Variants in B3GALT5 observed in about 807,000 individuals in gnomAD.
The protein encoded by B3GALT5 is beta-1,3-galactosyltransferase 5, also known as UDP-Gal:betaGlcNAc beta 1,3-galactosyltransferase, polypeptide 5.
For missense variants in B3GALT5, 328 were observed against 396.6 expected (o/e 0.83, Z 1.47); for synonymous variants, 156 against 158.6 (o/e 0.98, Z 0.12).
chr21:39,618,853 T>C (rs1216820987), intron 1 of B3GALT5, among the ~76,000 whole-genome samples: 1 of 152,234 alleles, frequency 6.6e-6, no homozygotes, highest in Non-Finnish European at 1.5e-5. Flanking sequence ...TATGAAATTC[T>C]TCCCCACTCT....
At chr21:39,623,241 CCCTTCCTT>C (rs1182848314) in intron 1 of B3GALT5, among the ~76,000 whole-genome samples, 40 of 17,908 alleles carry the variant, frequency 2.2e-3, no homozygotes, top group South Asian at 6.8e-3. Context: ...CTCCCTCCCT[CCCTTCCTT>C]CCTTCCTTCC....
At chr21:39,632,598 A>G (rs1019587794) in intron 1 of B3GALT5, among the ~76,000 whole-genome samples, 7 of 152,244 alleles carry the variant, frequency 4.6e-5, no homozygotes, top group African/African-American at 1.7e-4. Flanking sequence ...CCCCATTTTA[A>G]CAGAAAAATC....
chr21:39,668,165 C>T lies in B3GALT5; in HGVS notation c.*6673C>T, dbSNP rs2146232342. 6.6e-6 allele frequency: 1 copy of T among 152,366 alleles called. No individual in the cohort carries two copies. The highest frequency in any genetic ancestry group is 1.5e-5 in the Non-Finnish European group (1 of 68,088). 9.4% of individuals were successfully genotyped at this position (152,366 alleles called of 1,614,324 possible). A position where few individuals can be genotyped will look rare whatever the true frequency, so the allele number is the denominator to read the frequency against. On this transcript the variant is annotated 3_prime_UTR_variant, in exon 4 of 4. Coordinates refer to ENST00000684187, the MANE Select transcript of B3GALT5 (RefSeq NM_001356336.2). Reference sequence around the variant, plus strand: ...TAAATAGATCCAGAGACCAAGGCTCCATGTTATCCCCAGCACCGGGCTGAC... The same window carrying T: ...TAAATAGATCCAGAGACCAAGGCTCTATGTTATCCCCAGCACCGGGCTGAC...
Position 39,665,863 on chromosome 21 carries a change from G to A in B3GALT5, c.*4371G>A, listed in dbSNP as rs895390524. ...AACATATCTATATTTTATGGTTTAT[G>A]TTTCACGCAACTTGAATGTAACCTT... On this transcript the variant is annotated 3_prime_UTR_variant, in exon 4 of 4. Coordinates refer to ENST00000684187, the MANE Select transcript of B3GALT5 (RefSeq NM_001356336.2). 6.6e-6 allele frequency: 1 copy of A among 152,154 alleles called. No individual in the cohort carries two copies. The highest frequency in any genetic ancestry group is 2.4e-5 in the African/African-American group (1 of 41,422). 9.4% of individuals were successfully genotyped at this position (152,154 alleles called of 1,614,324 possible).
At position 39,617,975 on chromosome 21, in the gene B3GALT5, GA is replaced by G. The variant is rs577049143; in HGVS notation, c.-392+4915del. ...CAACATAGCGAATCCTCATCTCTAT[GA>G]AAAAAATAAATAAATAAAAAATAAA... On this transcript the variant is annotated intron_variant, in intron 1 of 3. Transcript: ENST00000684187. Among the ~76,000 whole-genome samples, 468 of 149,766 alleles carry G rather than the reference GA, an allele frequency of 3.1e-3. 4 individuals carry two copies. The highest frequency in any genetic ancestry group is 5.3e-3 in the Non-Finnish European group (356 of 67,624).
At chr21:39,623,220 TCCC>T (rs758924291) in intron 1 of B3GALT5, among the ~76,000 whole-genome samples, 6,099 of 44,980 alleles carry the variant, frequency 0.14, 391 homozygotes, top group South Asian at 0.19. Flanking sequence ...CCTCCCTCCC[TCCC>T]TCCCTCCCTC....
In B3GALT5 at chr21:39,661,858, G is replaced by A. The variant is rs4816637; in HGVS notation, c.*366G>A. The A allele has an allele frequency of 7.2e-3, 1,340 of 185,296 alleles. 34 individuals are homozygous for A. The highest frequency in any genetic ancestry group is 0.067 in the East Asian group (400 of 6,004). 11.5% of individuals were successfully genotyped at this position (185,296 alleles called of 1,614,324 possible). A position where few individuals can be genotyped will look rare whatever the true frequency, so the allele number is the denominator to read the frequency against. On this transcript the variant is annotated 3_prime_UTR_variant, in exon 4 of 4. Coordinates refer to ENST00000684187, the MANE Select transcript of B3GALT5 (RefSeq NM_001356336.2). The surrounding 1 kb of genome is among the most constrained non-coding windows in gnomAD (Gnocchi z 4.7). ...GCTCACAGCCAGTAGGCATAGGAGC[G>A]GGAATGAAAATCGAGCACTGTCAGA...
rs1355014516 is a variant in B3GALT5, at chr21:39,665,230, C to G, written c.*3738C>G. 6.6e-6 allele frequency: 1 copy of G among 152,186 alleles called. No homozygotes were observed. Among genetic ancestry groups the G allele is most frequent in the Non-Finnish European group, 1.5e-5 (1 of 68,100 alleles). 9.4% of individuals were successfully genotyped at this position (152,186 alleles called of 1,614,324 possible). On this transcript the variant is annotated 3_prime_UTR_variant, in exon 4 of 4. Coordinates refer to ENST00000684187, the MANE Select transcript of B3GALT5 (RefSeq NM_001356336.2). ...GGTGCATCAGGAAAGACTGTGGGAA[C>G]TACCTTCAAATTCTCTCCAGGAGCC...
In B3GALT5 at chr21:39,661,362, C is replaced by G; in HGVS notation, c.803C>G (p.Pro268Arg). Reference sequence around the variant, plus strand: ...CTCCACTCCCAGCCGACCTTTTTTCCAGGGGGCTTACGCTTCTCCGTATGC... The same window carrying G: ...CTCCACTCCCAGCCGACCTTTTTTCGAGGGGGCTTACGCTTCTCCGTATGC... ...EELHSQPTFFPGGLRFSVCLF... is the reference protein window; with the variant it reads ...EELHSQPTFFRGGLRFSVCLF... Residue 268 changes from proline (P) to arginine (R), a missense_variant, in exon 4 of 4, where the codon CCA becomes CGA. Transcript: ENST00000684187. The surrounding 1 kb of genome is among the most constrained non-coding windows in gnomAD (Gnocchi z 4.7). The G allele has an allele frequency of 6.2e-7, 1 of 1,609,600 alleles. No individual in the cohort carries two copies. Among genetic ancestry groups the G allele is most frequent in the Non-Finnish European group, 8.5e-7 (1 of 1,178,024 alleles).
rs922979771 is a variant in B3GALT5, at chr21:39,668,957, G to A, written c.*7465G>A. The A allele has an allele frequency of 6.6e-6, 1 of 152,306 alleles. No homozygotes were observed. The highest frequency in any genetic ancestry group is 2.4e-5 in the African/African-American group (1 of 41,452). The allele number at this position is 152,306 out of a possible 1,614,324, so 9.4% of individuals were successfully genotyped here. ...ATGCAGGTGCTTATGATTATAGTCA[G>A]TGTTTGGGCTGTGAATTTTGGTGGA... On this transcript the variant is annotated 3_prime_UTR_variant, in exon 4 of 4. Coordinates refer to ENST00000684187, the MANE Select transcript of B3GALT5 (RefSeq NM_001356336.2).
At chr21:39,653,885 G>A (rs1405055298) in intron 2 of B3GALT5, among the ~76,000 whole-genome samples, 7 of 152,160 alleles carry the variant, frequency 4.6e-5, no homozygotes, top group Non-Finnish European at 8.8e-5. Flanking sequence ...ATTACTGTTA[G>A]TCTCTCATTA....
In B3GALT5 at chr21:39,642,873, CAAA is replaced by C. The variant is rs1210751363; in HGVS notation, c.-391-3503_-391-3501del. 7.0e-5 allele frequency among the ~76,000 whole-genome samples: 7 copies of C among 100,086 alleles called. No homozygotes were observed. The East Asian group carries it at 1.0e-3, about 15-fold the overall frequency. 65.7% of individuals were successfully genotyped at this position (100,086 alleles called of 152,430 possible). ...CAACATAACGAGACTCCCATTGCCA[CAAA>C]AAAAAAAAAAAAAAAGAAAAGAAAA... On this transcript the variant is annotated intron_variant, in intron 1 of 3. Coordinates refer to ENST00000684187, the MANE Select transcript of B3GALT5 (RefSeq NM_001356336.2).
chr21:39,658,251 G>A (rs2079469350), intron 2 of B3GALT5, among the ~76,000 whole-genome samples: 1 of 150,634 alleles, frequency 6.6e-6, no homozygotes, highest in Admixed American at 6.6e-5. Context: ...TTTGGCACCT[G>A]CTCTGCCAGT....
At chr21:39,632,798 C>T (rs944661452) in intron 1 of B3GALT5, among the ~76,000 whole-genome samples, 1 of 152,012 alleles carries the variant, frequency 6.6e-6, no homozygotes, top group Non-Finnish European at 1.5e-5. Context: ...TGTGGGTGCT[C>T]CTTGAGAGGA....
intron 1 of B3GALT5, among the ~76,000 whole-genome samples, chr21:39,630,763 G>C (rs758860526): frequency 6.6e-6 from 1 of 152,170 alleles, no homozygotes; most frequent in Non-Finnish European, 1.5e-5. Flanking sequence ...CCATGGGGAG[G>C]TAAGGTGAGG....
intron 1 of B3GALT5, among the ~76,000 whole-genome samples, chr21:39,644,919 G>T (rs1825106237): frequency 6.6e-6 from 1 of 152,126 alleles, no homozygotes; most frequent in African/African-American, 2.4e-5. Context: ...ATGGATGTGT[G>T]TTGACTGGCT....
At chr21:39,637,548 C>T (rs753711392) in intron 1 of B3GALT5, among the ~76,000 whole-genome samples, 2 of 152,218 alleles carry the variant, frequency 1.3e-5, no homozygotes, top group African/African-American at 2.4e-5. Flanking sequence ...GTTTGTCAGT[C>T]CTGCTGTGTT....
chr21:39,660,101 C>CT (rs35543696), intron 3 of B3GALT5, among the ~76,000 whole-genome samples, 189 bp downstream of exon 3: 9,520 of 152,232 alleles, frequency 0.063, 435 homozygotes, highest in Non-Finnish European at 0.1. Flanking sequence ...ACTGGACTTG[C>CT]TTTTTTCTGG....
intron 1 of B3GALT5, among the ~76,000 whole-genome samples, chr21:39,639,318 CT>C (rs1318805687): frequency 9.4e-6 from 1 of 106,204 alleles, no homozygotes; most frequent in Admixed American, 1.0e-4. Flanking sequence ...TTCTTTCTTT[CT>C]TTCTTTCTTT....
Sources: allele counts gnomAD v4.1 joint callset (sites outside exome capture counted in the v4.1 genomes callset), GRCh38; gene constraint gnomAD v4.1.1; non-coding constraint Gnocchi (gnomAD v3.1); transcripts MANE v1.5; gene names NCBI Gene and HGNC (gene_info 2026-07-23, HGNC 2026-07-21).